Variants in PIK3R5 observed in about 807,000 individuals in gnomAD.
The protein encoded by PIK3R5 is phosphoinositide-3-kinase regulatory subunit 5, also known as phosphoinositide 3-kinase regulatory subunit 5.
In PIK3R5, 32 loss-of-function variants were observed where a neutral mutation model predicts 94.9. The observed-to-expected ratio is 0.34, with a 90% CI of 0.25 to 0.45. The LOEUF (loss-of-function observed/expected upper bound fraction) is 0.45, where lower values mean the gene tolerates loss of function less well. PIK3R5 is among the 20% of genes least tolerant of loss of function. The probability of loss-of-function intolerance (pLI) is 1.00; values close to 1 mark genes in which losing one functional copy is unlikely to be tolerated. For missense variants in PIK3R5, 853 were observed against 1,144.6 expected, an observed-to-expected ratio of 0.75 and a Z score of 3.68; for synonymous variants, 443 against 479.4, an observed-to-expected ratio of 0.92 and a Z score of 0.99.
chr17:8,913,982 G>T (rs978666262), intron 1 of PIK3R5, among the ~76,000 whole-genome samples: 47 of 152,198 alleles, frequency 3.1e-4, no homozygotes, highest in East Asian at 3.8e-4. Flanking sequence ...CTGTGATGAG[G>T]CCTCATCTTT....
Position 8,956,362 on chromosome 17 carries a change from T to C in PIK3R5, c.-14+9234A>G, listed in dbSNP as rs142524913. On this transcript the variant is annotated intron_variant, in intron 1 of 18. Transcript: ENST00000447110. Reference sequence around the variant, plus strand: ...GGTCTGAAGAGGGACTCATAGTCACTGGGAGTCCTGTCATAAGGTGGCACC... The same window carrying C: ...GGTCTGAAGAGGGACTCATAGTCACCGGGAGTCCTGTCATAAGGTGGCACC... Among the ~76,000 whole-genome samples the C allele has an allele frequency of 5.4e-3, 817 of 152,178 alleles. 15 individuals are homozygous for C. Among genetic ancestry groups the C allele is most frequent in the African/African-American group, 0.019 (776 of 41,518 alleles).
chr17:8,887,471 G>A (rs2089892731), intron 11 of PIK3R5, 50 bp downstream of exon 11: 1 of 1,543,916 alleles, frequency 6.5e-7, no homozygotes, highest in South Asian at 1.2e-5. Context: ...CTTCCTTCAG[G>A]TAGCCAGAAC....
chr17:8,911,594 G>GCAGCGCGATCAGCCCAGCC lies in PIK3R5; in HGVS notation c.-13-106_-13-88dup, dbSNP rs1186980811. On this transcript the variant is annotated intron_variant, in intron 1 of 18. Coordinates refer to ENST00000447110, the MANE Select transcript of PIK3R5 (RefSeq NM_001142633.3). The surrounding 1 kb of genome is among the most constrained non-coding windows in gnomAD (Gnocchi z 5.3). ...AGTAAAGACAACAGGTGCTCACAGT[G>GCAGCGCGATCAGCCCAGCC]CAGCGCGATCAGCCCAGCCCAGCTA... The GCAGCGCGATCAGCCCAGCC allele has an allele frequency of 2.4e-6, 2 of 848,968 alleles. No individual in the cohort carries two copies. The highest frequency in any genetic ancestry group is 3.7e-6 in the Non-Finnish European group (2 of 536,060). The allele number at this position is 848,968 out of a possible 1,614,324, so 52.6% of individuals were successfully genotyped here.
intron 1 of PIK3R5, among the ~76,000 whole-genome samples, chr17:8,913,996 C>T (rs562198607): frequency 5.9e-5 from 9 of 152,342 alleles, no homozygotes; most frequent in African/African-American, 2.2e-4. Flanking sequence ...CATCTTTCTG[C>T]CTCCCATGGC....
chr17:8,886,289 T>A lies in PIK3R5; in HGVS notation c.2068A>T (p.Ile690Phe). 3 of 1,613,682 alleles carry A rather than the reference T, an allele frequency of 1.9e-6. No individual in the cohort carries two copies. Among genetic ancestry groups the A allele is most frequent in the Non-Finnish European group, 2.5e-6 (3 of 1,179,964 alleles). The change falls in exon 14 of 19, where the codon ATC becomes TTC. Residue 690 changes from isoleucine (I) to phenylalanine (F), a missense_variant. Physicochemically the swap from Ile to Phe is conservative, Grantham distance 21 (BLOSUM62 0). Transcript: ENST00000447110. ...CCCAGCTCCAAGGAGTGGATGAAGATCTCTGTCGTCTTCTCCCCAGTGATG... is the reference window on the plus strand; with the variant it reads ...CCCAGCTCCAAGGAGTGGATGAAGAACTCTGTCGTCTTCTCCCCAGTGATG... ...TFITGEKTTE[I>F]FIHSLELGHS... is the part of the protein sequence containing the mutation.
intron 5 of PIK3R5, among the ~76,000 whole-genome samples, chr17:8,900,673 G>A (rs1461087155): frequency 2.6e-5 from 4 of 152,128 alleles, no homozygotes; most frequent in Admixed American, 1.3e-4. Context: ...TTCTACTTCC[G>A]GCTCCAGCTG....
chr17:8,911,721 C>A lies in PIK3R5; in HGVS notation c.-13-214G>T. The A allele has an allele frequency of 1.9e-6, 1 of 524,590 alleles. No individual in the cohort carries two copies. Among genetic ancestry groups the A allele is most frequent in the Non-Finnish European group, 3.4e-6 (1 of 290,010 alleles). 32.5% of individuals were successfully genotyped at this position (524,590 alleles called of 1,614,324 possible). On this transcript the variant is annotated intron_variant, in intron 1 of 18. Transcript: ENST00000447110. The surrounding 1 kb of genome is among the most constrained non-coding windows in gnomAD (Gnocchi z 5.3). Reference sequence around the variant, plus strand: ...ATCTGAGTGGCAGGACAGAGCACCCCTGCAGCAGAACGGGACAGAGGTGTG... The same window carrying A: ...ATCTGAGTGGCAGGACAGAGCACCCATGCAGCAGAACGGGACAGAGGTGTG...
intron 5 of PIK3R5, among the ~76,000 whole-genome samples, chr17:8,903,854 G>A (rs537426552): frequency 6.6e-6 from 1 of 152,262 alleles, no homozygotes; most frequent in African/African-American, 2.4e-5. Flanking sequence ...CCAATTGTTT[G>A]AGCTCCAACT....
At chr17:8,929,750 G>A (rs1390783840) in intron 1 of PIK3R5, among the ~76,000 whole-genome samples, 3 of 152,164 alleles carry the variant, frequency 2.0e-5, no homozygotes, top group Non-Finnish European at 2.9e-5. Context: ...TTAAGTGGGA[G>A]CTAGGCTATG....
Position 8,889,447 on chromosome 17 carries a change from C to A in PIK3R5, c.812-225G>T, listed in dbSNP as rs188202375. On this transcript the variant is annotated intron_variant, in intron 8 of 18. Coordinates refer to ENST00000447110, the MANE Select transcript of PIK3R5 (RefSeq NM_001142633.3). The surrounding 1 kb of genome is among the most constrained non-coding windows in gnomAD (Gnocchi z 4.1). ...GATGGCATGCCCTTTATGAGCTGTG[C>A]GAATGTGGCCAAACCACAACCTCTG... 2.2e-4 allele frequency among the ~76,000 whole-genome samples: 34 copies of A among 152,264 alleles called. No individual in the cohort carries two copies. In the East Asian group the frequency reaches 6.4e-3, roughly 28 times the overall value.
chr17:8,943,527 C>G (rs933713650), intron 1 of PIK3R5, among the ~76,000 whole-genome samples: 4 of 151,820 alleles, frequency 2.6e-5, no homozygotes, highest in African/African-American at 9.7e-5. Flanking sequence ...AATCCCAGCA[C>G]TTTGGGAGGC....
At chr17:8,903,848 T>C (rs566945668) in intron 5 of PIK3R5, among the ~76,000 whole-genome samples, 106 of 152,348 alleles carry the variant, frequency 7.0e-4, no homozygotes, top group African/African-American at 2.5e-3. Context: ...AGAAAACCAA[T>C]TGTTTGAGCT....
At position 8,948,930 on chromosome 17, in the gene PIK3R5, G is replaced by A. The variant is rs117167623; in HGVS notation, c.-14+16666C>T. Among the ~76,000 whole-genome samples the A allele has an allele frequency of 9.8e-5, 15 of 152,298 alleles. No homozygotes were observed. The East Asian group carries it at 2.7e-3, about 27-fold the overall frequency. On this transcript the variant is annotated intron_variant, in intron 1 of 18. Transcript: ENST00000447110. ...CCCAGTGGAGGCTAATATGGGACAG[G>A]TGCCATAGGAACTTGGAGGAGGGAG...
At chr17:8,919,939 G>A (rs990779297) in intron 1 of PIK3R5, among the ~76,000 whole-genome samples, 1 of 139,942 alleles carries the variant, frequency 7.1e-6, no homozygotes, top group Non-Finnish European at 1.5e-5. Context: ...GCCCAGGCTG[G>A]AGTGCAGTGG....
intron 5 of PIK3R5, among the ~76,000 whole-genome samples, chr17:8,895,346 C>T (rs1842609874): frequency 6.6e-6 from 1 of 152,202 alleles, no homozygotes; most frequent in African/African-American, 2.4e-5. Flanking sequence ...CATTTCTTCA[C>T]CGCCACTTCT....
At position 8,889,268 on chromosome 17, in the gene PIK3R5, T is replaced by TG; in HGVS notation, c.812-47dup. 6.8e-7 allele frequency: 1 copy of TG among 1,472,090 alleles called. No individual in the cohort carries two copies. The highest frequency in any genetic ancestry group is 9.4e-7 in the Non-Finnish European group (1 of 1,061,018). The allele number at this position is 1,472,090 out of a possible 1,614,324, so 91.2% of individuals were successfully genotyped here. A position where few individuals can be genotyped will look rare whatever the true frequency, so the allele number is the denominator to read the frequency against. ...GGAGAAGAGGGCTGGGAAGAGGCCTTGGAGATTGGCCAGTCCAGTCCCCTT... is the reference window on the plus strand; with the variant it reads ...GGAGAAGAGGGCTGGGAAGAGGCCTTGGGAGATTGGCCAGTCCAGTCCCCTT... On this transcript the variant is annotated intron_variant, in intron 8 of 18. Transcript: ENST00000447110. The surrounding 1 kb of genome is among the most constrained non-coding windows in gnomAD (Gnocchi z 4.1).
chr17:8,924,392 CTTTCT>C (rs2090825244), intron 1 of PIK3R5, among the ~76,000 whole-genome samples: 1 of 151,980 alleles, frequency 6.6e-6, no homozygotes, highest in African/African-American at 2.4e-5. Flanking sequence ...AGGCTGCTCA[CTTTCT>C]ACAGGTAGAA....
Position 8,884,692 on chromosome 17 carries a change from C to T in PIK3R5, c.2205+15G>A. 1 of 1,604,064 alleles carries T rather than the reference C, an allele frequency of 6.2e-7. No individual in the cohort carries two copies. Among genetic ancestry groups the T allele is most frequent in the South Asian group, 1.1e-5 (1 of 90,792 alleles). On this transcript the variant is annotated intron_variant, in intron 15 of 18. Coordinates refer to ENST00000447110, the MANE Select transcript of PIK3R5 (RefSeq NM_001142633.3). The surrounding 1 kb of genome is among the most constrained non-coding windows in gnomAD (Gnocchi z 5.8). Reference sequence around the variant, plus strand: ...GCAGATCCTGGAGGGGAAGGAGCCCCAGCACGGGTCTTACCTTGCTGTAAA... The same window carrying T: ...GCAGATCCTGGAGGGGAAGGAGCCCTAGCACGGGTCTTACCTTGCTGTAAA...
At chr17:8,937,878 C>T (rs1022960902) in intron 1 of PIK3R5, among the ~76,000 whole-genome samples, 14 of 152,080 alleles carry the variant, frequency 9.2e-5, no homozygotes, top group African/African-American at 2.4e-4. Context: ...GGCACAATCT[C>T]GGCTCATTGC....
Sources: allele counts gnomAD v4.1 joint callset (sites outside exome capture counted in the v4.1 genomes callset), GRCh38; gene constraint gnomAD v4.1.1; non-coding constraint Gnocchi (gnomAD v3.1); transcripts MANE v1.5; gene names NCBI Gene and HGNC (gene_info 2026-07-23, HGNC 2026-07-21).